The following ZDHHC4 variants were observed in gnomAD, a reference collection of about 807,000 sequenced individuals.
The protein encoded by ZDHHC4 is zDHHC palmitoyltransferase 4, also known as palmitoyltransferase ZDHHC4.
In ZDHHC4, 42 loss-of-function variants were observed where a neutral mutation model predicts 36.7. The observed-to-expected ratio is 1.14, with a 90% CI of 0.89 to 1.48. The LOEUF (loss-of-function observed/expected upper bound fraction) is 1.48. ZDHHC4 is among the 40% of genes most tolerant of loss of function. The pLI is 0.00. For synonymous variants in ZDHHC4, 189 were observed against 166.6 expected (o/e 1.13, Z -1.03); for missense variants, 457 against 421.5 (o/e 1.08, Z -0.74).
At chr7:6,582,353 T>A in intron 5 of ZDHHC4, 102 bp downstream of exon 5, 1 of 1,100,262 alleles carries the variant, frequency 9.1e-7, no homozygotes, top group Non-Finnish European at 1.3e-6. Context: ...TGTAAAAGAT[T>A]TGATGTGTAG....
At chr7:6,582,358 G>T in intron 5 of ZDHHC4, 107 bp downstream of exon 5, 4 of 1,042,426 alleles carry the variant, frequency 3.8e-6, no homozygotes, top group South Asian at 2.1e-5. Context: ...AAGATTTGAT[G>T]TGTAGCATTT....
In ZDHHC4 at chr7:6,589,314, T is replaced by C; in HGVS notation, c.*404T>C. On this transcript the variant is annotated 3_prime_UTR_variant, in exon 8 of 8. Coordinates refer to ENST00000335965, the MANE Select transcript of ZDHHC4 (RefSeq NM_001134389.2). ...CTTTTATGCCCCCTCTATTCTCCTC[T>C]CTCCCCCAGGGGATTTTCATCTCAA... 1 of 197,116 alleles carries C rather than the reference T, an allele frequency of 5.1e-6. No individual in the cohort carries two copies. The highest frequency in any genetic ancestry group is 9.1e-5 in the South Asian group (1 of 10,976). The allele number at this position is 197,116 out of a possible 1,614,324, so 12.2% of individuals were successfully genotyped here. A position where few individuals can be genotyped will look rare whatever the true frequency, so the allele number is the denominator to read the frequency against.
In ZDHHC4 at chr7:6,585,090, A is replaced by G. The variant is rs780694566; in HGVS notation, c.571A>G (p.Ile191Val). The G allele has an allele frequency of 3.7e-6, 6 of 1,614,158 alleles. No individual in the cohort carries two copies. The highest frequency in any genetic ancestry group is 4.5e-5 in the East Asian group (2 of 44,874). Residue 191 changes from isoleucine to valine, a missense_variant, in exon 7 of 8, where the codon ATC becomes GTC. Coordinates refer to ENST00000335965, the MANE Select transcript of ZDHHC4 (RefSeq NM_001134389.2). ...GAACAACTGCATCGGGGCCTGGAACATCAGGTACTTCCTCATCTACGTCTT... is the reference window on the plus strand; with the variant it reads ...GAACAACTGCATCGGGGCCTGGAACGTCAGGTACTTCCTCATCTACGTCTT... Reference protein sequence around the residue: ...WVNNCIGAWNIRYFLIYVLTL... With the variant: ...WVNNCIGAWNVRYFLIYVLTL...
intron 4 of ZDHHC4, 65 bp from the exon 5 acceptor site, chr7:6,582,008 T>C: frequency 6.5e-7 from 1 of 1,534,614 alleles, no homozygotes; most frequent in East Asian, 2.3e-5. Context: ...GGTTACTTTC[T>C]TTAGTATCAT....
chr7:6,582,113 A>T lies in ZDHHC4; in HGVS notation c.232A>T (p.Met78Leu), dbSNP rs763815375. The change falls in exon 5 of 8, where the codon ATG becomes TTG. Residue 78 changes from methionine (M) to leucine (L), a missense_variant. Physicochemically the swap from Met to Leu is conservative, Grantham distance 15. Transcript: ENST00000335965. ...FIVLHLVLQG[M>L]VYTEYTWEVF... ...TGTCCTGCACCTGGTCTTGCAAGGG[A>T]TGGTTTATACTGAGTACACCTGGGA... is the stretch of plus-strand genomic sequence containing the variant. 1 of 1,614,086 alleles carries T rather than the reference A, an allele frequency of 6.2e-7. No individual in the cohort carries two copies. The highest frequency in any genetic ancestry group is 8.5e-7 in the Non-Finnish European group (1 of 1,179,990).
At chr7:6,580,487 C>G (rs1034955654) in intron 2 of ZDHHC4, 68 bp from the exon 3 acceptor site, 1 of 1,324,004 alleles carries the variant, frequency 7.6e-7, no homozygotes. Flanking sequence ...GAGTTGATGT[C>G]TGAGAATGTG....
At chr7:6,578,949 C>T (rs1376928386) in intron 2 of ZDHHC4, among the ~76,000 whole-genome samples, 2 of 152,158 alleles carry the variant, frequency 1.3e-5, no homozygotes, top group Non-Finnish European at 2.9e-5. Context: ...GCAATCCTCC[C>T]GCCTCAGCCT....
intron 7 of ZDHHC4, among the ~76,000 whole-genome samples, chr7:6,587,048 C>CT (rs1286709471): frequency 1.9e-3 from 279 of 143,138 alleles, no homozygotes; most frequent in African/African-American, 2.9e-3. Context: ...CATATGGTAA[C>CT]TTTTTTTTTT....
intron 5 of ZDHHC4, 105 bp downstream of exon 5, chr7:6,582,356 A>G: frequency 9.5e-7 from 1 of 1,052,074 alleles, no homozygotes; most frequent in Non-Finnish European, 1.3e-6. Flanking sequence ...AAAAGATTTG[A>G]TGTGTAGCAT....
At chr7:6,581,781 G>A in intron 4 of ZDHHC4, 101 bp downstream of exon 4, 1 of 1,018,128 alleles carries the variant, frequency 9.8e-7, no homozygotes, top group East Asian at 2.5e-5. Flanking sequence ...TTTCCAGCAT[G>A]GTGAGGGAAA....
chr7:6,581,065 G>C (rs1237110481), intron 3 of ZDHHC4: 5 of 260,728 alleles, frequency 1.9e-5, no homozygotes, highest in Non-Finnish European at 3.0e-5. Context: ...AGAGGTTGCT[G>C]TTTTCCTCTG....
rs1781009604 is a variant in ZDHHC4, at chr7:6,583,444, C to G, written c.496+13C>G. On this transcript the variant is annotated intron_variant, in intron 6 of 7. Coordinates refer to ENST00000335965, the MANE Select transcript of ZDHHC4 (RefSeq NM_001134389.2). ...TCCAAGCACTGCAGTGAGTGTGGCT[C>G]TCGTGACTCCAGCGGCACCTCCAAC... The G allele has an allele frequency of 6.2e-7, 1 of 1,600,012 alleles. No homozygotes were observed. Among genetic ancestry groups the G allele is most frequent in the African/African-American group, 1.3e-5 (1 of 74,392 alleles).
chr7:6,579,661 G>A (rs1256035272), intron 2 of ZDHHC4, among the ~76,000 whole-genome samples: 1 of 152,162 alleles, frequency 6.6e-6, no homozygotes, highest in Admixed American at 6.5e-5. Context: ...TTGTTCTCAA[G>A]GCATTGTCAG....
intron 3 of ZDHHC4, chr7:6,580,948 T>C (rs535493590): frequency 6.4e-5 from 28 of 436,408 alleles, no homozygotes; most frequent in African/African-American, 5.1e-4. Context: ...CTTAACATCA[T>C]TGATGGATTT....
chr7:6,588,117 G>A (rs1300749279), intron 7 of ZDHHC4, among the ~76,000 whole-genome samples: 4 of 152,058 alleles, frequency 2.6e-5, no homozygotes, highest in African/African-American at 9.7e-5. Flanking sequence ...TGCCCGCCTC[G>A]GCCTCCCAAA....
At chr7:6,583,218 G>A (rs894474082) in intron 5 of ZDHHC4, 88 bp from the exon 6 acceptor site, 35 of 1,401,004 alleles carry the variant, frequency 2.5e-5, no homozygotes, top group Non-Finnish European at 3.4e-5. Context: ...AAAGATAGCA[G>A]TTTCAGTTGT....
chr7:6,581,968 T>C, intron 4 of ZDHHC4, 105 bp from the exon 5 acceptor site: 3 of 1,154,442 alleles, frequency 2.6e-6, no homozygotes, highest in East Asian at 2.4e-5. Flanking sequence ...CTTACTATTA[T>C]CTCAAGCCCA....
In ZDHHC4 at chr7:6,581,658, C is replaced by A; in HGVS notation, c.169C>A (p.Leu57Ile). Residue 57 changes from leucine (L) to isoleucine (I), a missense_variant, in exon 4 of 8, where the codon CTT becomes ATT. Physicochemically the swap from Leu to Ile is conservative, Grantham distance 5 (BLOSUM62 2). Transcript: ENST00000335965. ...ECLQRAVHGL[L>I]HYLFHTRNHT... ...TCTTCAGAGAGCCGTGCATGGATTG[C>A]TTCATTACCTTTTCCATACGAGGTA... The A allele has an allele frequency of 6.2e-7, 1 of 1,609,570 alleles. No individual in the cohort carries two copies. The highest frequency in any genetic ancestry group is 8.5e-7 in the Non-Finnish European group (1 of 1,176,448).
intron 5 of ZDHHC4, 47 bp downstream of exon 5, chr7:6,582,298 T>C: frequency 6.5e-7 from 1 of 1,536,058 alleles, no homozygotes; most frequent in Admixed American, 1.8e-5. Flanking sequence ...CTCCACTGTC[T>C]TACTAATAGT....
Sources: gnomAD v4.1 joint callset for allele counts (sites outside exome capture counted in the v4.1 genomes callset) on GRCh38, gnomAD v4.1.1 for gene constraint, MANE v1.5 for transcripts, NCBI Gene and HGNC (gene_info 2026-07-23, HGNC 2026-07-21) for gene names.